Variants in TSPAN16 observed in about 807,000 individuals in gnomAD.
TSPAN16 encodes the protein tetraspanin 16.
In TSPAN16, 23 loss-of-function variants were observed where a neutral mutation model predicts 25.2. That is an observed-to-expected ratio of 0.91 (90% CI 0.66 to 1.29). The LOEUF is 1.29. TSPAN16 is among the 50% of genes most tolerant of loss of function. TSPAN16 has a pLI of 0.00. For synonymous variants in TSPAN16, 123 were observed against 124.4 expected, an observed-to-expected ratio of 0.99 and a Z score of 0.08; for missense variants, 272 against 299.9, an observed-to-expected ratio of 0.91 and a Z score of 0.69.
chr19:11,302,642 C>CAT (rs200337021), intron 4 of TSPAN16, among the ~76,000 whole-genome samples: 46 of 130,544 alleles, frequency 3.5e-4, no homozygotes, highest in South Asian at 1.4e-3. Context: ...TACACACATA[C>CAT]ATATATATAT....
chr19:11,307,914 C>G (rs2080647256), intron 5 of TSPAN16: 1 of 152,214 alleles, frequency 6.6e-6, no homozygotes, highest in Admixed American at 6.6e-5. Flanking sequence ...AGAGCTTTGG[C>G]AGAGTTGGAA....
At chr19:11,310,615 G>A (rs1291947380) in intron 5 of TSPAN16, among the ~76,000 whole-genome samples, 2 of 151,850 alleles carry the variant, frequency 1.3e-5, no homozygotes, top group East Asian at 3.9e-4. Context: ...TAATATCTCT[G>A]AGCCTCAGTT....
chr19:11,321,554 GAGGCAGGGGGAACATTCTGGGCAA>G (rs2080779791), intron 6 of TSPAN16, among the ~76,000 whole-genome samples: 1 of 152,218 alleles, frequency 6.6e-6, no homozygotes, highest in Non-Finnish European at 1.5e-5. Context: ...CATCCAGGCA[GAGGCAGGGGGAACATTCTGGGCAA>G]AGGCCTTGGG....
Position 11,298,157 on chromosome 19 carries a change from C to G in TSPAN16, c.85C>G (p.Leu29Val). The change falls in exon 2 of 7, where the codon CTA (leucine) becomes GTA (valine). Residue 29 changes from leucine to valine, a missense_variant. Physicochemically the swap from Leu to Val is conservative, Grantham distance 32. Transcript: ENST00000590327. The part of the protein sequence containing the change: ...NGFVAVSGII[L>V]VGLGIGGKCG... Reference sequence around the variant, plus strand: ...TGTTCTAAAGGTGTCTGGCATCATCCTAGTTGGCCTGGGCATTGGTGGTAA... The same window carrying G: ...TGTTCTAAAGGTGTCTGGCATCATCGTAGTTGGCCTGGGCATTGGTGGTAA... 6.2e-7 allele frequency: 1 copy of G among 1,614,124 alleles called. No individual in the cohort carries two copies. Among genetic ancestry groups the G allele is most frequent in the Non-Finnish European group, 8.5e-7 (1 of 1,180,004 alleles).
chr19:11,299,998 A>AG (rs1486395342), intron 3 of TSPAN16, among the ~76,000 whole-genome samples: 3 of 151,708 alleles, frequency 2.0e-5, no homozygotes, highest in African/African-American at 7.3e-5. Flanking sequence ...AAAAAAAAAA[A>AG]AAGAAAAGAA....
chr19:11,297,606 T>C (rs772853899), intron 1 of TSPAN16, among the ~76,000 whole-genome samples: 19 of 151,726 alleles, frequency 1.3e-4, no homozygotes, highest in Non-Finnish European at 1.9e-4. Context: ...AAGCGATTCT[T>C]CTGCCTCAGC....
At chr19:11,315,696 G>A (rs1671600618) in intron 6 of TSPAN16, 95 bp from the exon 7 acceptor site, 1 of 1,044,084 alleles carries the variant, frequency 9.6e-7, no homozygotes, top group Non-Finnish European at 1.2e-6. Context: ...CGCCTTTCTG[G>A]AACAGGATGC....
intron 3 of TSPAN16, among the ~76,000 whole-genome samples, chr19:11,300,509 G>C (rs958415176): frequency 3.3e-5 from 5 of 152,172 alleles, no homozygotes; most frequent in African/African-American, 1.2e-4. Flanking sequence ...ACAGAGTTAT[G>C]GGCAGGCCAC....
chr19:11,321,746 G>A (rs2080781003), intron 6 of TSPAN16, among the ~76,000 whole-genome samples: 1 of 152,236 alleles, frequency 6.6e-6, no homozygotes. Flanking sequence ...TTTACTGCAA[G>A]TAAGGTGGGA....
chr19:11,298,730 G>A, intron 2 of TSPAN16, 142 bp from the exon 3 acceptor site: 1 of 766,796 alleles, frequency 1.3e-6, no homozygotes, highest in Non-Finnish European at 2.2e-6. Context: ...ACTGCTCCCG[G>A]TCGAATTGTT....
chr19:11,316,119 T>TGTGTGTGTGTGTGTGTGTG (rs1491440242), downstream of TSPAN16: 1 of 127,556 alleles, frequency 7.8e-6, no homozygotes, highest in Admixed American at 9.8e-5. Flanking sequence ...GTGTGTGTGG[T>TGTGTGTGTGTGTGTGTGTG]TTTTTTTTTT....
At chr19:11,320,448 C>CGG (rs2080771475), downstream of TSPAN16, among the ~76,000 whole-genome samples, 1 of 151,978 alleles carries the variant, frequency 6.6e-6, no homozygotes, top group African/African-American at 2.4e-5. Flanking sequence ...GAGGCCAAGG[C>CGG]GGGAGCATGG....
At chr19:11,308,627 T>C (rs1010917406) in intron 5 of TSPAN16, among the ~76,000 whole-genome samples, 27 of 152,064 alleles carry the variant, frequency 1.8e-4, no homozygotes, top group Non-Finnish European at 3.4e-4. Flanking sequence ...CCTGCCAGCA[T>C]GCCCAGCTAA....
At chr19:11,316,119 T>TGG (rs1491440242), downstream of TSPAN16, 34 of 128,068 alleles carry the variant, frequency 2.7e-4, no homozygotes, top group African/African-American at 1.4e-3. Context: ...GTGTGTGTGG[T>TGG]TTTTTTTTTT....
At chr19:11,301,144 A>G (rs2080542526) in intron 3 of TSPAN16, 57 bp from the exon 4 acceptor site, 5 of 1,464,432 alleles carry the variant, frequency 3.4e-6, no homozygotes, top group Non-Finnish European at 4.8e-6. Flanking sequence ...ACCTCGGCCA[A>G]TGAACGGGCC....
intron 2 of TSPAN16, 109 bp downstream of exon 2, chr19:11,298,448 T>TG: frequency 1.2e-6 from 1 of 861,610 alleles, no homozygotes; most frequent in Non-Finnish European, 1.7e-6. Context: ...TTTTTTTTTT[T>TG]TGCGGGGACA....
At chr19:11,323,297 A>G (rs1369629519) in intron 6 of TSPAN16, 1 of 152,192 alleles carries the variant, frequency 6.6e-6, no homozygotes, top group African/African-American at 2.4e-5. Context: ...ATTTGTTGGT[A>G]TAAAAGATAC....
intron 6 of TSPAN16, chr19:11,324,829 T>C (rs2080802101): frequency 6.6e-6 from 1 of 152,386 alleles, no homozygotes; most frequent in Admixed American, 6.6e-5. Context: ...TTTTCGCAAG[T>C]AGAGGGTCTG....
chr19:11,306,471 T>C, intron 4 of TSPAN16, 133 bp from the exon 5 acceptor site: 1 of 1,083,838 alleles, frequency 9.2e-7, no homozygotes, highest in East Asian at 2.5e-5. Flanking sequence ...TGTGATGGGA[T>C]GTTTGTAAGA....
Sources: allele counts gnomAD v4.1 joint callset (sites outside exome capture counted in the v4.1 genomes callset), GRCh38; gene constraint gnomAD v4.1.1; transcripts MANE v1.5; gene names NCBI Gene and HGNC (gene_info 2026-07-23, HGNC 2026-07-21).